The following CMBL variants were observed in gnomAD, a reference collection of about 807,000 sequenced individuals.
CMBL encodes carboxymethylenebutenolidase homolog (Pseudomonas).
In CMBL, 17 loss-of-function variants were observed where a neutral mutation model predicts 28.7. That is an observed-to-expected ratio of 0.59 (90% CI 0.41 to 0.89). CMBL has a LOEUF of 0.89. Among genes scored for constraint, CMBL ranks in the 40% least tolerant of loss-of-function variants. The pLI, the probability that CMBL is intolerant of heterozygous loss-of-function variation, is 0.00. For synonymous variants in CMBL, 106 were observed against 101.6 expected (o/e 1.04, Z -0.26); for missense variants, 310 against 298.5 (o/e 1.04, Z -0.28).
intron 3 of CMBL, among the ~76,000 whole-genome samples, chr5:10,287,856 G>C (rs563727187): frequency 6.6e-6 from 1 of 151,602 alleles, no homozygotes; most frequent in Non-Finnish European, 1.5e-5. Context: ...GACTACAGGC[G>C]TGCGTCATGA....
intron 1 of CMBL, among the ~76,000 whole-genome samples, chr5:10,306,115 C>T (rs935896156): frequency 1.3e-5 from 2 of 152,140 alleles, no homozygotes; most frequent in Non-Finnish European, 2.9e-5. Context: ...CAAACATTCC[C>T]TTTCTAACAC....
At position 10,278,778 on chromosome 5, in the gene CMBL, CA is replaced by C. The variant is rs1746439784; in HGVS notation, c.*1674del. ...GGGCTCTCCGGGAGAGTGGCTGTCT[CA>C]GTAGGAATAAACTGGACACAGGTCA... is the stretch of plus-strand genomic sequence containing the variant. On this transcript the variant is annotated 3_prime_UTR_variant, in exon 6 of 6. Transcript: ENST00000296658. Among the ~76,000 whole-genome samples, 1 of 152,040 alleles carries C rather than the reference CA, an allele frequency of 6.6e-6. No individual in the cohort carries two copies. Among genetic ancestry groups the C allele is most frequent in the African/African-American group, 2.4e-5 (1 of 41,380 alleles).
intron 1 of CMBL, among the ~76,000 whole-genome samples, chr5:10,303,070 C>T (rs1407802678): frequency 6.6e-6 from 1 of 152,204 alleles, no homozygotes. Flanking sequence ...TATCTTAACC[C>T]AGACCCTCCT....
chr5:10,300,526 A>G (rs994285222), intron 1 of CMBL, among the ~76,000 whole-genome samples: 108 of 152,324 alleles, frequency 7.1e-4, no homozygotes, highest in African/African-American at 2.4e-3. Context: ...CCAGACCCGC[A>G]TGGTGGCTCA....
chr5:10,285,166 A>G (rs116648575), intron 4 of CMBL, among the ~76,000 whole-genome samples: 3,179 of 151,374 alleles, frequency 0.021, 104 homozygotes, highest in African/African-American at 0.071. Flanking sequence ...AGTACACCCA[A>G]GTAATTTTTT....
intron 1 of CMBL, among the ~76,000 whole-genome samples, chr5:10,306,212 C>G (rs1579479834): frequency 1.3e-5 from 2 of 152,160 alleles, no homozygotes; most frequent in Non-Finnish European, 2.9e-5. Context: ...AAATAACTCA[C>G]AAGTCAGACT....
Position 10,295,970 on chromosome 5 carries a change from C to T in CMBL, c.-19-5189G>A, listed in dbSNP as rs543116147. Among the ~76,000 whole-genome samples, 222 of 152,268 alleles carry T rather than the reference C, an allele frequency of 1.5e-3. 1 individual carries two copies. Among genetic ancestry groups the T allele is most frequent in the Non-Finnish European group, 2.5e-3 (172 of 68,028 alleles). ...ACATGCTATCTAGCATTGCTAAGCA[C>T]GGGAAGGCTGTGATGTGCCTTATGG... On this transcript the variant is annotated intron_variant, in intron 1 of 5. Transcript: ENST00000296658.
chr5:10,282,175 A>C, intron 5 of CMBL, 22 bp downstream of exon 5: 1 of 1,523,490 alleles, frequency 6.6e-7, no homozygotes, highest in East Asian at 2.2e-5. Context: ...AATAAATACG[A>C]AGAGAAAAGA....
chr5:10,291,304 C>A (rs996587949), intron 1 of CMBL, among the ~76,000 whole-genome samples: 2 of 152,160 alleles, frequency 1.3e-5, no homozygotes, highest in Admixed American at 1.3e-4. Context: ...GAGCTCCATC[C>A]GCCAGGCTCA....
chr5:10,291,531 G>A (rs1474325026), intron 1 of CMBL, among the ~76,000 whole-genome samples: 1 of 151,848 alleles, frequency 6.6e-6, no homozygotes, highest in Non-Finnish European at 1.5e-5. Context: ...CGTGGTGGTG[G>A]GCGCCTGTAG....
At chr5:10,290,866 T>C (rs1280083296) in intron 1 of CMBL, 85 bp from the exon 2 acceptor site, 5 of 1,039,566 alleles carry the variant, frequency 4.8e-6, no homozygotes, top group African/African-American at 3.2e-5. Context: ...ATCAAGATTA[T>C]AGAAAAAAAT....
At chr5:10,282,950 T>C (rs1284003893) in intron 4 of CMBL, among the ~76,000 whole-genome samples, 5 of 151,668 alleles carry the variant, frequency 3.3e-5, no homozygotes, top group African/African-American at 1.2e-4. Context: ...ATTAGCTAGG[T>C]GTGGTGGCAC....
Position 10,279,550 on chromosome 5 carries a change from T to G in CMBL, c.*903A>C, listed in dbSNP as rs994114756. On this transcript the variant is annotated 3_prime_UTR_variant, in exon 6 of 6. Coordinates refer to ENST00000296658, the MANE Select transcript of CMBL (RefSeq NM_138809.4). ...GGTCCTTGAACAGCTGTAGGTTTTTTTTTTTTTTTGAGACAGAGTCTCCCT... is the reference window on the plus strand; with the variant it reads ...GGTCCTTGAACAGCTGTAGGTTTTTGTTTTTTTTTGAGACAGAGTCTCCCT... The G allele has an allele frequency of 1.3e-5, 2 of 152,064 alleles. No individual in the cohort carries two copies. The highest frequency in any genetic ancestry group is 2.9e-5 in the Non-Finnish European group (2 of 67,990). The allele number at this position is 152,064 out of a possible 1,614,324, so 9.4% of individuals were successfully genotyped here. A position where few individuals can be genotyped will look rare whatever the true frequency, so the allele number is the denominator to read the frequency against.
intron 1 of CMBL, among the ~76,000 whole-genome samples, chr5:10,297,693 C>T (rs1408948813): frequency 6.6e-6 from 1 of 151,352 alleles, no homozygotes; most frequent in African/African-American, 2.4e-5. Context: ...AGAATGATAC[C>T]ATAGAAAGGA....
intron 1 of CMBL, among the ~76,000 whole-genome samples, chr5:10,291,795 G>A (rs1242020999): frequency 6.6e-6 from 1 of 152,190 alleles, no homozygotes; most frequent in Non-Finnish European, 1.5e-5. Flanking sequence ...GGAACACCAG[G>A]CAGAGGCAAA....
chr5:10,306,063 C>T (rs7736124), intron 1 of CMBL, among the ~76,000 whole-genome samples: 97,968 of 152,022 alleles, frequency 0.64, 32,455 homozygotes, highest in Non-Finnish European at 0.69. Flanking sequence ...ATAAAAGTCA[C>T]GATTTCACCT....
At position 10,295,075 on chromosome 5, in the gene CMBL, C is replaced by T. The variant is rs1471617816; in HGVS notation, c.-19-4294G>A. Among the ~76,000 whole-genome samples the T allele has an allele frequency of 3.3e-5, 5 of 151,058 alleles. No individual in the cohort carries two copies. The East Asian group carries it at 9.7e-4, about 29-fold the overall frequency. On this transcript the variant is annotated intron_variant, in intron 1 of 5. Transcript: ENST00000296658. ...GCAGATCCTGTATTGATGAATTCAT[C>T]TACTTGCTGATTTTTTTTTTTTTTT...
chr5:10,306,983 T>A (rs1343205125), intron 1 of CMBL, among the ~76,000 whole-genome samples: 1 of 152,164 alleles, frequency 6.6e-6, no homozygotes, highest in Non-Finnish European at 1.5e-5. Flanking sequence ...GCATCTTCCA[T>A]CAGCAAGTGG....
rs777716530 is a variant in CMBL, at chr5:10,286,443, A to G, written c.377T>C (p.Ile126Thr). The G allele has an allele frequency of 5.6e-6, 9 of 1,613,942 alleles. No homozygotes were observed. The African/African-American group carries it at 1.2e-4, about 22-fold the overall frequency. The stretch of plus-strand genomic sequence containing the variant: ...ACCCCAGCAGAATCCCACGATGCCA[A>G]TTTTCTGGGCATGACACTGTTGTTT... ...YLKQQCHAQK[I>T]GIVGFCWGGT... Residue 126 changes from isoleucine to threonine, a missense_variant, in exon 4 of 6, where the codon ATT (isoleucine) becomes ACT (threonine). Ile to Thr is a moderately conservative substitution (Grantham distance 89, BLOSUM62 -1). Transcript: ENST00000296658.
Sources: allele counts gnomAD v4.1 joint callset (sites outside exome capture counted in the v4.1 genomes callset), GRCh38; gene constraint gnomAD v4.1.1; transcripts MANE v1.5; gene names NCBI Gene and HGNC (gene_info 2026-07-23, HGNC 2026-07-21).